Variants in CCDC88A observed in about 807,000 individuals in gnomAD.
The protein encoded by CCDC88A is girdin.
Under a neutral mutation model 234.3 loss-of-function variants are expected in CCDC88A, and 54 were observed. The ratio of observed to expected loss-of-function variants is 0.23; its 90% CI spans 0.19 to 0.29. The LOEUF is 0.29. Ranked by LOEUF, CCDC88A falls within the 10% of genes least tolerant of loss-of-function variation. CCDC88A has a pLI of 1.00. For synonymous variants in CCDC88A, 753 were observed against 737.8 expected (o/e 1.02, Z -0.33); for missense variants, 1,832 against 2,123.4 (o/e 0.86, Z 2.70).
chr2:55,416,291 G>T (rs1422717547), intron 2 of CCDC88A, among the ~76,000 whole-genome samples: 3 of 150,254 alleles, frequency 2.0e-5, no homozygotes, highest in African/African-American at 7.3e-5. Flanking sequence ...AATAAATTTG[G>T]AGACATCACA....
intron 3 of CCDC88A, among the ~76,000 whole-genome samples, chr2:55,379,381 C>A (rs1014800428): frequency 6.6e-6 from 1 of 151,920 alleles, no homozygotes. Flanking sequence ...TTATAAGAAA[C>A]CTATAAAAAT....
rs771845293 is a variant in CCDC88A at position 55,295,705 on chromosome 2, T to C, written c.5443A>G (p.Thr1815Ala). Residue 1815 changes from threonine (T) to alanine (A), a missense_variant, in exon 31 of 33, where the codon ACT becomes GCT. This residue lies in a region of CCDC88A where 422 missense variants were observed against 416.5 expected (regional missense o/e 1.01). Transcript: ENST00000436346. ...TCATGGATGCTTGTCCTTCGTGTAG[T>C]TCCTTCGGCAGTTGAGATCACGCTG... is the stretch of plus-strand genomic sequence containing the variant. ...ASSVISTAEGTTRRTSIHDFL... is the reference protein window; with the variant it reads ...ASSVISTAEGATRRTSIHDFL... 1 of 1,614,162 alleles carries C rather than the reference T, an allele frequency of 6.2e-7. No homozygotes were observed. Among genetic ancestry groups the C allele is most frequent in the Non-Finnish European group, 8.5e-7 (1 of 1,180,010 alleles).
In CCDC88A at chr2:55,338,048, G is replaced by C. The variant is rs74681950; in HGVS notation, c.1519-1230C>G. ...CTCATTTGTTGTTTTGTATCAATGG[G>C]ATTAAAGTGAAACATTCAGTTTATA... On this transcript the variant is annotated intron_variant, in intron 13 of 32. Transcript: ENST00000436346. Among the ~76,000 whole-genome samples the C allele has an allele frequency of 5.3e-3, 810 of 152,090 alleles. 33 individuals carry two copies. The East Asian group carries it at 0.13, about 24-fold the overall frequency.
intron 9 of CCDC88A, 199 bp downstream of exon 9, chr2:55,349,319 G>C: frequency 1.9e-6 from 1 of 536,978 alleles, no homozygotes; most frequent in Non-Finnish European, 3.2e-6. Flanking sequence ...AGCAGAGTTT[G>C]AACAGCATTA....
chr2:55,296,812 T>C lies in CCDC88A; in HGVS notation c.4826-289A>G, dbSNP rs1018938348. ...CCTAAACAGAGCCTCATACAAAGCA[T>C]TCAATATATTTTTTGAGTAAATGAA... On this transcript the variant is annotated intron_variant, in intron 29 of 32. Coordinates refer to ENST00000436346, the MANE Select transcript of CCDC88A (RefSeq NM_001365480.1). The C allele has an allele frequency of 3.0e-4, 85 of 287,290 alleles. No individual in the cohort carries two copies. The East Asian group carries it at 5.4e-3, about 18-fold the overall frequency. 17.8% of individuals were successfully genotyped at this position (287,290 alleles called of 1,614,324 possible). A position where few individuals can be genotyped will look rare whatever the true frequency, so the allele number is the denominator to read the frequency against.
chr2:55,374,820 A>T lies in CCDC88A; in HGVS notation c.337T>A (p.Phe113Ile). 6.3e-7 allele frequency: 1 copy of T among 1,596,592 alleles called. No homozygotes were observed. Among genetic ancestry groups the T allele is most frequent in the Non-Finnish European group, 8.6e-7 (1 of 1,165,196 alleles). Reference sequence around the variant, plus strand: ...GCTTAATTTTAATACTTACCAGAAAAGGGATTTTTGCCAATGATTAAGACA... The same window carrying T: ...GCTTAATTTTAATACTTACCAGAAATGGGATTTTTGCCAATGATTAAGACA... ...PNVLIIGKNP[F>I]SEQGTEEVKK... Residue 113 changes from phenylalanine (F) to isoleucine (I), a missense_variant, in exon 4 of 33, where the codon TTT becomes ATT. Around this residue, in one of 6 missense-constraint regions of CCDC88A, gnomAD observed 84 missense variants for 80.9 expected, o/e 1.04. Coordinates refer to ENST00000436346, the MANE Select transcript of CCDC88A (RefSeq NM_001365480.1).
chr2:55,311,625 A>C (rs966812998), intron 23 of CCDC88A, among the ~76,000 whole-genome samples: 1 of 152,236 alleles, frequency 6.6e-6, no homozygotes, highest in African/African-American at 2.4e-5. Flanking sequence ...GAAGCTGTCT[A>C]ATTTCAACAT....
At position 55,296,425 on chromosome 2, in the gene CCDC88A, G is replaced by C. The variant is rs1477375438; in HGVS notation, c.4924C>G (p.Pro1642Ala). 1.1e-5 allele frequency: 17 copies of C among 1,614,086 alleles called. No individual in the cohort carries two copies. Among genetic ancestry groups the C allele is most frequent in the African/African-American group, 1.3e-5 (1 of 74,944 alleles). The change falls in exon 30 of 33, where the codon CCA (proline) becomes GCA (alanine). Residue 1642 changes from proline to alanine, a missense_variant. Pro to Ala is a conservative substitution (Grantham distance 27). Around this residue, in one of 6 missense-constraint regions of CCDC88A, gnomAD observed 422 missense variants for 416.5 expected, o/e 1.01. Coordinates refer to ENST00000436346, the MANE Select transcript of CCDC88A (RefSeq NM_001365480.1). ...HEAWSSSGSSPIQYLKRQTRS... is the reference protein window; with the variant it reads ...HEAWSSSGSSAIQYLKRQTRS... Reference sequence around the variant, plus strand: ...GTCTGTCTTTTCAAGTACTGGATTGGACTGCTACCACTGCTGGACCAAGCC... The same window carrying C: ...GTCTGTCTTTTCAAGTACTGGATTGCACTGCTACCACTGCTGGACCAAGCC...
intron 23 of CCDC88A, among the ~76,000 whole-genome samples, chr2:55,311,688 G>A (rs1682368561): frequency 6.6e-6 from 1 of 152,196 alleles, no homozygotes; most frequent in African/African-American, 2.4e-5. Context: ...GCAAAGAGAA[G>A]AGATGTATTG....
At position 55,343,870 on chromosome 2, in the gene CCDC88A, A is replaced by G. The variant is rs567044386; in HGVS notation, c.1189-78T>C. On this transcript the variant is annotated intron_variant, in intron 11 of 32. Coordinates refer to ENST00000436346, the MANE Select transcript of CCDC88A (RefSeq NM_001365480.1). ...TTTGAGCAAATACTTTATTTCTCACAACTTTTATTTATCAGAAACTCAGTA... is the reference window on the plus strand; with the variant it reads ...TTTGAGCAAATACTTTATTTCTCACGACTTTTATTTATCAGAAACTCAGTA... The G allele has an allele frequency of 1.8e-5, 22 of 1,192,650 alleles. No homozygotes were observed. The African/African-American group carries it at 3.1e-4, about 17-fold the overall frequency. The allele number at this position is 1,192,650 out of a possible 1,614,324, so 73.9% of individuals were successfully genotyped here.
chr2:55,298,222 C>A (rs561221264), intron 29 of CCDC88A, among the ~76,000 whole-genome samples: 2 of 151,242 alleles, frequency 1.3e-5, no homozygotes, highest in African/African-American at 4.9e-5. Context: ...AAGTGGGCCA[C>A]GAAAGAATTT....
Position 55,299,663 on chromosome 2 carries a change from G to C in CCDC88A, c.4825+176C>G, listed in dbSNP as rs1326602409. On this transcript the variant is annotated intron_variant, in intron 29 of 32. Transcript: ENST00000436346. ...AATAACTGCTCCTGTTTTTACATTT[G>C]TATACATTGAAATACATTTGTATTA... Among the ~76,000 whole-genome samples the C allele has an allele frequency of 2.0e-5, 3 of 152,154 alleles. 1 individual carries two copies. Among genetic ancestry groups the C allele is most frequent in the Non-Finnish European group, 4.4e-5 (3 of 68,024 alleles).
intron 7 of CCDC88A, chr2:55,356,362 G>C (rs1670577989): frequency 6.6e-6 from 1 of 151,706 alleles, no homozygotes; most frequent in African/African-American, 2.4e-5. Context: ...GTATCCCATG[G>C]TTTATATGTA....
At chr2:55,306,878 T>C (rs1024344141) in intron 25 of CCDC88A, among the ~76,000 whole-genome samples, 2 of 152,152 alleles carry the variant, frequency 1.3e-5, no homozygotes, top group Non-Finnish European at 2.9e-5. Context: ...GCCTGGCCTA[T>C]AGCCCATAAT....
chr2:55,390,910 C>T (rs1185693277), intron 2 of CCDC88A, among the ~76,000 whole-genome samples: 3 of 152,002 alleles, frequency 2.0e-5, no homozygotes, highest in Non-Finnish European at 4.4e-5. Flanking sequence ...GAAGCTAAAA[C>T]GGGAGGAATG....
Position 55,316,092 on chromosome 2 carries a change from G to A in CCDC88A, c.3769C>T (p.Leu1257Phe). The A allele has an allele frequency of 6.6e-7, 1 of 1,512,926 alleles. No homozygotes were observed. The highest frequency in any genetic ancestry group is 9.0e-7 in the Non-Finnish European group (1 of 1,106,170). 93.7% of individuals were successfully genotyped at this position (1,512,926 alleles called of 1,614,324 possible). A position where few individuals can be genotyped will look rare whatever the true frequency, so the allele number is the denominator to read the frequency against. The change falls in exon 22 of 33, where the codon CTT (leucine) becomes TTT (phenylalanine). Residue 1257 changes from leucine to phenylalanine, a missense_variant. Around this residue, in one of 6 missense-constraint regions of CCDC88A, gnomAD observed 1,282 missense variants for 1,543.6 expected, o/e 0.83. Coordinates refer to ENST00000436346, the MANE Select transcript of CCDC88A (RefSeq NM_001365480.1). ...TGTAAAACTTCAGTCTCTTTTAAAA[G>A]TTGACTATAGGTATGATTCAGCCTA... ...NDRLNHTYSQ[L>F]LKETEVLQTD...
At chr2:55,377,346 C>T (rs1437129321) in intron 3 of CCDC88A, among the ~76,000 whole-genome samples, 2 of 151,488 alleles carry the variant, frequency 1.3e-5, no homozygotes, top group African/African-American at 4.9e-5. Flanking sequence ...GTTATAGAGA[C>T]AAGGTCTCGC....
In CCDC88A at chr2:55,317,598, T is replaced by A; in HGVS notation, c.3568A>T (p.Asn1190Tyr). 6.3e-7 allele frequency: 1 copy of A among 1,586,400 alleles called. No individual in the cohort carries two copies. The highest frequency in any genetic ancestry group is 8.6e-7 in the Non-Finnish European group (1 of 1,161,030). ...KHGTLKSAHK[N>Y]LEVEHRDLED... ...AGGTCTCTATGTTCCACCTCAAGAT[T>A]TTTGTGGGCAGACTTCAGAGTTCCA... The change falls in exon 20 of 33, where the codon AAT becomes TAT. Residue 1190 changes from asparagine (N) to tyrosine (Y), a missense_variant. Asn to Tyr is a moderately radical substitution (Grantham distance 143). Coordinates refer to ENST00000436346, the MANE Select transcript of CCDC88A (RefSeq NM_001365480.1). This position sits in a 1 kb window ranked among gnomAD's most constrained non-coding sequence, Gnocchi z 4.2.
rs986650208 is a variant in CCDC88A at position 55,366,014 on chromosome 2, A to G, written c.403-1981T>C. 1.5e-4 allele frequency among the ~76,000 whole-genome samples: 23 copies of G among 152,234 alleles called. 1 individual carries two copies. ...CTACTGTATTGAATAGGCCAGCTCC[A>G]GAGCATGAGAAAGTCTGGTGTTAAA... On this transcript the variant is annotated intron_variant, in intron 5 of 32. Transcript: ENST00000436346.
Sources: allele counts gnomAD v4.1 joint callset (sites outside exome capture counted in the v4.1 genomes callset), GRCh38; gene constraint gnomAD v4.1.1; regional missense constraint gnomAD v4.1.1; non-coding constraint Gnocchi (gnomAD v3.1); transcripts MANE v1.5; gene names NCBI Gene and HGNC (gene_info 2026-07-23, HGNC 2026-07-21).